The following NFATC3 variants were observed in gnomAD, a reference collection of about 807,000 sequenced individuals.
NFATC3 encodes nuclear factor of activated T cells 3, also known as nuclear factor of activated T-cells, cytoplasmic 3.
A neutral mutation model predicts 98.6 loss-of-function variants in NFATC3; 46 were observed. The observed-to-expected ratio is 0.47, with a 90% CI of 0.37 to 0.60. NFATC3 has a LOEUF of 0.60. Ranked by LOEUF, NFATC3 falls within the 20% of genes least tolerant of loss-of-function variation. NFATC3 has a pLI of 0.00. For missense variants in NFATC3, 1,256 were observed against 1,295.5 expected, an observed-to-expected ratio of 0.97 and a Z score of 0.47; for synonymous variants, 512 against 472.2, an observed-to-expected ratio of 1.08 and a Z score of -1.09.
chr16:68,224,993 T>TC (rs2041994721), intron 9 of NFATC3: 2 of 151,896 alleles, frequency 1.3e-5, no homozygotes. Flanking sequence ...CACTCTTGTT[T>TC]CCCAGGCTGG....
At chr16:68,166,598 G>GAGGAA in intron 4 of NFATC3, among the ~76,000 whole-genome samples, 1 of 152,352 alleles carries the variant, frequency 6.6e-6, no homozygotes, top group Admixed American at 6.5e-5. Context: ...AGGCATGCAA[G>GAGGAA]TACTGGAATG....
intron 6 of NFATC3, 141 bp downstream of exon 6, chr16:68,174,655 C>A: frequency 1.6e-6 from 1 of 626,106 alleles, no homozygotes; most frequent in Non-Finnish European, 2.4e-6. Context: ...TATTTTAAAC[C>A]AAACATTTAT....
At chr16:68,217,041 C>T (rs1164720873) in intron 9 of NFATC3, among the ~76,000 whole-genome samples, 1 of 151,810 alleles carries the variant, frequency 6.6e-6, no homozygotes, top group Non-Finnish European at 1.5e-5. Flanking sequence ...TTAATCTGTT[C>T]AATGGTAGGA....
chr16:68,127,075 T>C (rs1048139545), intron 3 of NFATC3, among the ~76,000 whole-genome samples: 2 of 151,998 alleles, frequency 1.3e-5, no homozygotes, highest in African/African-American at 4.8e-5. Context: ...GAGCAGGGCG[T>C]GGTGGCGGGC....
chr16:68,166,345 C>T (rs1432039807), intron 4 of NFATC3, among the ~76,000 whole-genome samples: 11 of 152,166 alleles, frequency 7.2e-5, no homozygotes, highest in East Asian at 3.8e-4. Flanking sequence ...ACATCCAAAA[C>T]GGCTAGGGTG....
In NFATC3 at chr16:68,228,695, A is replaced by G. The variant is rs143832712; in HGVS notation, c.*2224A>G. ...ATAAAGACTTAAATTTTTGTGCAAC[A>G]TAGTGGTGTTAAAGCACACATCCAT... On this transcript the variant is annotated 3_prime_UTR_variant, in exon 10 of 10. Coordinates refer to ENST00000346183, the MANE Select transcript of NFATC3 (RefSeq NM_173165.3). 4 of 152,778 alleles carry G rather than the reference A, an allele frequency of 2.6e-5. No homozygotes were observed. In the East Asian group the frequency reaches 7.7e-4, roughly 29 times the overall value. 9.5% of individuals were successfully genotyped at this position (152,778 alleles called of 1,614,324 possible).
chr16:68,162,113 C>G (rs750911090), intron 4 of NFATC3, among the ~76,000 whole-genome samples: 1 of 152,150 alleles, frequency 6.6e-6, no homozygotes, highest in Non-Finnish European at 1.5e-5. Context: ...CACACACATA[C>G]CTAAAACTTC....
intron 9 of NFATC3, among the ~76,000 whole-genome samples, chr16:68,211,897 T>C (rs1042334661): frequency 6.6e-6 from 1 of 152,218 alleles, no homozygotes; most frequent in Non-Finnish European, 1.5e-5. Context: ...CTCACGAAAG[T>C]GCTTCAAGGA....
Position 68,122,003 on chromosome 16 carries a change from T to C in NFATC3, c.120T>C (p.Asp40=). The C allele has an allele frequency of 1.2e-6, 2 of 1,606,474 alleles. No homozygotes were observed. The highest frequency in any genetic ancestry group is 1.7e-6 in the Non-Finnish European group (2 of 1,175,992). ...TCCCCGTAGATCTTGAGCCAGATGATTGTGCATCCATTTACATCTTTAATG... is the reference window on the plus strand; with the variant it reads ...TCCCCGTAGATCTTGAGCCAGATGACTGTGCATCCATTTACATCTTTAATG... The part of the protein sequence containing the change: ...GSRPADLEPD[D]CASIYIFNVD... The change falls in exon 2 of 10, where the codon GAT becomes GAC. Residue 40 remains aspartate (D), a synonymous_variant. Transcript: ENST00000346183.
chr16:68,114,259 A>G (rs1284731891), intron 1 of NFATC3, among the ~76,000 whole-genome samples: 2 of 151,692 alleles, frequency 1.3e-5, no homozygotes, highest in South Asian at 2.1e-4. Flanking sequence ...TGTGTGGATC[A>G]CACCAACCAC....
chr16:68,190,020 C>T (rs975264522), intron 8 of NFATC3, among the ~76,000 whole-genome samples: 4 of 152,194 alleles, frequency 2.6e-5, no homozygotes, highest in African/African-American at 9.7e-5. Flanking sequence ...GCCTGGCCGA[C>T]AGAGTGAGAC....
chr16:68,112,982 T>A (rs1330089602), intron 1 of NFATC3, among the ~76,000 whole-genome samples: 1 of 152,172 alleles, frequency 6.6e-6, no homozygotes, highest in Non-Finnish European at 1.5e-5. Context: ...GGTTAACAGC[T>A]CCTGTAATGT....
chr16:68,191,661 T>C lies in NFATC3; in HGVS notation c.2992T>C (p.Cys998Arg), dbSNP rs768283923. 1 of 1,614,176 alleles carries C rather than the reference T, an allele frequency of 6.2e-7. No individual in the cohort carries two copies. Among genetic ancestry groups the C allele is most frequent in the South Asian group, 1.1e-5 (1 of 91,086 alleles). Residue 998 changes from cysteine to arginine, a missense_variant, in exon 9 of 10, where the codon TGT (cysteine) becomes CGT (arginine). Coordinates refer to ENST00000346183, the MANE Select transcript of NFATC3 (RefSeq NM_173165.3). The part of the protein sequence containing the change: ...APSSLICHSL[C>R]DPASFPPDGA... ...TTCATCCTTAATATGTCACAGTTTG[T>C]GTGATCCAGCGTCATTTCCACCTGA... is the stretch of plus-strand genomic sequence containing the variant.
At chr16:68,157,327 C>T (rs1409331619) in intron 3 of NFATC3, among the ~76,000 whole-genome samples, 4 of 151,984 alleles carry the variant, frequency 2.6e-5, no homozygotes, top group Non-Finnish European at 5.9e-5. Flanking sequence ...AACTTGTCTC[C>T]CTGTGGTTGG....
chr16:68,163,219 T>G (rs931958141), intron 4 of NFATC3, among the ~76,000 whole-genome samples: 1 of 151,974 alleles, frequency 6.6e-6, no homozygotes, highest in Non-Finnish European at 1.5e-5. Context: ...AAACCGCCAT[T>G]GTCATCATGG....
chr16:68,207,081 A>G (rs2041178219), intron 9 of NFATC3, among the ~76,000 whole-genome samples: 1 of 151,562 alleles, frequency 6.6e-6, no homozygotes, highest in Non-Finnish European at 1.5e-5. Flanking sequence ...AGGCTGAGGC[A>G]GGTGGATCAC....
At chr16:68,199,164 T>G (rs144904719) in intron 9 of NFATC3, among the ~76,000 whole-genome samples, 5,821 of 151,982 alleles carry the variant, frequency 0.038, 363 homozygotes, top group African/African-American at 0.13. Flanking sequence ...TACAGTGAGC[T>G]GAGATTGCGC....
At chr16:68,120,643 T>G (rs1035952647) in intron 1 of NFATC3, among the ~76,000 whole-genome samples, 1 of 150,430 alleles carries the variant, frequency 6.6e-6, no homozygotes, top group Non-Finnish European at 1.5e-5. Context: ...CTCAGGAGAC[T>G]GAGACAGGAG....
chr16:68,218,268 C>T (rs2041711171), intron 9 of NFATC3, among the ~76,000 whole-genome samples: 1 of 151,740 alleles, frequency 6.6e-6, no homozygotes, highest in South Asian at 2.1e-4. Context: ...AATTTCTCAA[C>T]TCATGCCATA....
Sources: gnomAD v4.1 joint callset for allele counts (sites outside exome capture counted in the v4.1 genomes callset) on GRCh38, gnomAD v4.1.1 for gene constraint, MANE v1.5 for transcripts, NCBI Gene and HGNC (gene_info 2026-07-23, HGNC 2026-07-21) for gene names.